Variants in HIPK2 observed in about 807,000 individuals in gnomAD.
HIPK2 encodes homeodomain-interacting protein kinase 2.
HIPK2 carries 27 observed loss-of-function variants against 113.7 expected under a neutral mutation model. That is an observed-to-expected ratio of 0.24 (90% confidence interval 0.17 to 0.33). The LOEUF (loss-of-function observed/expected upper bound fraction) is 0.33. Ranked by LOEUF, HIPK2 falls within the 10% of genes least tolerant of loss-of-function variation. HIPK2 has a pLI of 1.00. For synonymous variants in HIPK2, 631 were observed against 642.2 expected (o/e 0.98, Z 0.26); for missense variants, 1,257 against 1,588.0 (o/e 0.79, Z 3.54).
rs116793229 is a variant in HIPK2, at chr7:139,691,009, C to T, written c.1103+24923G>A. 1.8e-3 allele frequency among the ~76,000 whole-genome samples: 275 copies of T among 152,202 alleles called. 3 individuals carry two copies. The highest frequency in any genetic ancestry group is 6.0e-3 in the African/African-American group (249 of 41,522). ...CAAATGCTCACCTTTAGCATCTGGCCGAGAGCCTTAAGCCTCCAATGTATT... is the reference window on the plus strand; with the variant it reads ...CAAATGCTCACCTTTAGCATCTGGCTGAGAGCCTTAAGCCTCCAATGTATT... On this transcript the variant is annotated intron_variant, in intron 2 of 14. Coordinates refer to ENST00000406875, the MANE Select transcript of HIPK2 (RefSeq NM_022740.5).
intron 2 of HIPK2, 85 bp downstream of exon 2, chr7:139,715,847 T>A (rs1479948047): frequency 6.6e-7 from 1 of 1,513,622 alleles, no homozygotes; most frequent in Non-Finnish European, 8.9e-7. Context: ...TATAATTTTA[T>A]CTCCCCACAG....
chr7:139,717,550 C>T (rs1225387791), intron 1 of HIPK2, among the ~76,000 whole-genome samples: 1 of 152,132 alleles, frequency 6.6e-6, no homozygotes, highest in African/African-American at 2.4e-5. Context: ...TCTTTGTCAT[C>T]GATTCTGTAG....
intron 1 of HIPK2, among the ~76,000 whole-genome samples, chr7:139,770,021 C>T (rs987951246): frequency 9.9e-5 from 15 of 152,188 alleles, no homozygotes; most frequent in African/African-American, 3.1e-4. Flanking sequence ...TGCTCCTTCT[C>T]CCTGTCACGA....
At chr7:139,700,169 G>C (rs1212576355) in intron 2 of HIPK2, among the ~76,000 whole-genome samples, 2 of 152,192 alleles carry the variant, frequency 1.3e-5, no homozygotes, top group African/African-American at 4.8e-5. Context: ...AATCAGACGT[G>C]TTTTCAAGGG....
At chr7:139,610,673 T>C (rs1799784051) in intron 9 of HIPK2, among the ~76,000 whole-genome samples, 1 of 152,228 alleles carries the variant, frequency 6.6e-6, no homozygotes, top group African/African-American at 2.4e-5. Flanking sequence ...ATATCGATCT[T>C]AAACAAACTG....
At chr7:139,777,574 C>A in intron 1 of HIPK2, 31 bp downstream of exon 1, 2 of 1,004,192 alleles carry the variant, frequency 2.0e-6, no homozygotes, top group Non-Finnish European at 2.4e-6. Flanking sequence ...GGGCGGCGGG[C>A]GCGGGGTCGG....
At chr7:139,604,949 C>T (rs1799571222) in intron 9 of HIPK2, among the ~76,000 whole-genome samples, 1 of 152,082 alleles carries the variant, frequency 6.6e-6, no homozygotes, top group South Asian at 2.1e-4. Flanking sequence ...GCCTAGTATC[C>T]TTTATTTAAC....
intron 2 of HIPK2, among the ~76,000 whole-genome samples, chr7:139,712,888 C>T (rs1237792040): frequency 2.6e-5 from 4 of 152,126 alleles, no homozygotes; most frequent in African/African-American, 9.7e-5. Context: ...GAGGGAGAAA[C>T]AGAACATTGC....
chr7:139,764,071 T>C (rs1035719302), intron 1 of HIPK2, among the ~76,000 whole-genome samples: 1 of 152,242 alleles, frequency 6.6e-6, no homozygotes, highest in Non-Finnish European at 1.5e-5. Context: ...GATAAGCTCG[T>C]TCAGGCATGA....
intron 1 of HIPK2, among the ~76,000 whole-genome samples, chr7:139,740,658 G>A (rs892420733): frequency 6.6e-6 from 1 of 152,202 alleles, no homozygotes; most frequent in African/African-American, 2.4e-5. Flanking sequence ...TTCGAGGCCT[G>A]CACACCTGTT....
Position 139,613,395 on chromosome 7 carries a change from C to T in HIPK2, c.1991-72G>A, listed in dbSNP as rs1434462668. The T allele has an allele frequency of 1.3e-6, 2 of 1,565,356 alleles. No homozygotes were observed. Among genetic ancestry groups the T allele is most frequent in the East Asian group, 2.3e-5 (1 of 43,114 alleles). ...GAACAGCTGGATGAAAAGAACCTTC[C>T]TGGGCAGTTATGTCAACTTTCTGCT... is the stretch of plus-strand genomic sequence containing the variant. On this transcript the variant is annotated intron_variant, in intron 8 of 14. Transcript: ENST00000406875. This position sits in a 1 kb window ranked among gnomAD's most constrained non-coding sequence, Gnocchi z 4.2.
chr7:139,637,837 G>A (rs556944062), intron 2 of HIPK2, among the ~76,000 whole-genome samples: 1 of 152,332 alleles, frequency 6.6e-6, no homozygotes, highest in South Asian at 2.1e-4. Flanking sequence ...GTTTGGGCAT[G>A]AGGGGGCAGG....
At chr7:139,665,039 C>CTT (rs369543607) in intron 2 of HIPK2, among the ~76,000 whole-genome samples, 2 of 129,676 alleles carry the variant, frequency 1.5e-5, no homozygotes. Context: ...CTTTCTCTCT[C>CTT]TTTTTTTTTT....
chr7:139,595,907 T>C (rs1799197575), intron 12 of HIPK2, among the ~76,000 whole-genome samples: 1 of 152,192 alleles, frequency 6.6e-6, no homozygotes, highest in Non-Finnish European at 1.5e-5. Context: ...GCGCTGGGCC[T>C]GGGAGGGGCA....
At chr7:139,636,164 G>A (rs1187039427) in intron 2 of HIPK2, among the ~76,000 whole-genome samples, 4 of 151,972 alleles carry the variant, frequency 2.6e-5, no homozygotes, top group Non-Finnish European at 4.4e-5. Flanking sequence ...TTTTTTTCAC[G>A]CGGGTGATCA....
chr7:139,727,021 G>C (rs1795598719), intron 1 of HIPK2, among the ~76,000 whole-genome samples: 1 of 152,148 alleles, frequency 6.6e-6, no homozygotes, highest in Non-Finnish European at 1.5e-5. Context: ...CAAGAAAAAA[G>C]CCAGGTTAGG....
intron 12 of HIPK2, among the ~76,000 whole-genome samples, chr7:139,592,776 A>G (rs1445584452): frequency 1.3e-5 from 2 of 152,248 alleles, no homozygotes; most frequent in Admixed American, 6.5e-5. Flanking sequence ...TTGTCTATAA[A>G]TATTTAAAAG....
At position 139,596,968 on chromosome 7, in the gene HIPK2, AGAG is replaced by A; in HGVS notation, c.2463_2465del (p.Ser822del). 1 of 1,602,696 alleles carries A rather than the reference AGAG, an allele frequency of 6.2e-7. No individual in the cohort carries two copies. The highest frequency in any genetic ancestry group is 8.5e-7 in the Non-Finnish European group (1 of 1,170,864). ...ATCGCTGTGGGGAGCTGATGGCCTG[AGAG>A]GAGGACACCTCACAGGTGGAGACAT... On this transcript the variant is annotated inframe_deletion, in exon 12 of 15. Transcript: ENST00000406875.
intron 2 of HIPK2, among the ~76,000 whole-genome samples, chr7:139,636,454 G>A (rs1800817914): frequency 6.6e-6 from 1 of 152,090 alleles, no homozygotes; most frequent in Non-Finnish European, 1.5e-5. Flanking sequence ...TGGAGTTGCT[G>A]CAGATATAAT....
Sources: gnomAD v4.1 joint callset for allele counts (sites outside exome capture counted in the v4.1 genomes callset) on GRCh38, gnomAD v4.1.1 for gene constraint, Gnocchi (gnomAD v3.1) non-coding constraint, MANE v1.5 for transcripts, NCBI Gene and HGNC (gene_info 2026-07-23, HGNC 2026-07-21) for gene names.